The following CPSF4 variants were observed in gnomAD, a reference collection of about 807,000 sequenced individuals.
CPSF4 encodes the protein cleavage and polyadenylation specificity factor subunit 4.
A neutral mutation model predicts 37.7 loss-of-function variants in CPSF4; 11 were observed. The ratio of observed to expected loss-of-function variants is 0.29; its 90% CI spans 0.18 to 0.48. CPSF4 has a LOEUF of 0.48. CPSF4 is among the 20% of genes least tolerant of loss of function. CPSF4 has a pLI of 0.99. For missense variants in CPSF4, 144 were observed against 359.5 expected (o/e 0.40, Z 4.85); for synonymous variants, 132 against 135.9 (o/e 0.97, Z 0.20).
In CPSF4 at chr7:99,454,053, C is replaced by A. The variant is rs1798125322; in HGVS notation, c.658C>A (p.Gln220Lys). The change falls in exon 7 of 8, where the codon CAG (glutamine) becomes AAG (lysine). Residue 220 changes from glutamine (Q) to lysine (K), a missense_variant. Physicochemically the swap from Gln to Lys is moderately conservative, Grantham distance 53. Transcript: ENST00000292476. ...NSSPNQQRTP[Q>K]VIGVMQSQNS... is the part of the protein sequence containing the mutation. ...TTCTCCCAATCAGCAGAGAACCCCG[C>A]AGGTCATCGGGGTCATGCAGAGTCA... 1 of 1,613,942 alleles carries A rather than the reference C, an allele frequency of 6.2e-7. No individual in the cohort carries two copies.
At chr7:99,454,507 A>C (rs1798169191) in intron 7 of CPSF4, among the ~76,000 whole-genome samples, 2 of 152,150 alleles carry the variant, frequency 1.3e-5, no homozygotes, top group South Asian at 2.1e-4. Flanking sequence ...GGCACACCCG[A>C]GAAAACAGGA....
chr7:99,442,750 G>C (rs375966173), intron 1 of CPSF4: 2 of 561,704 alleles, frequency 3.6e-6, no homozygotes, highest in Non-Finnish European at 6.4e-6. Flanking sequence ...TCAAACTGCC[G>C]CGGCAGTTCA....
At position 99,442,411 on chromosome 7, in the gene CPSF4, C is replaced by T. The variant is rs145801519; in HGVS notation, c.104-2378C>T. ...GTGGCTCACACCTGTAATCCCAGCA[C>T]TTTGGGAGGCCGAGGCGGGCGGATC... On this transcript the variant is annotated intron_variant, in intron 1 of 7. Transcript: ENST00000292476. 3.5e-3 allele frequency among the ~76,000 whole-genome samples: 534 copies of T among 152,052 alleles called. 3 individuals carry two copies. Among genetic ancestry groups the T allele is most frequent in the African/African-American group, 0.012 (501 of 41,464 alleles).
chr7:99,448,453 T>A lies in CPSF4; in HGVS notation c.307+180T>A. On this transcript the variant is annotated intron_variant, in intron 3 of 7. Transcript: ENST00000292476. This position sits in a 1 kb window ranked among gnomAD's most constrained non-coding sequence, Gnocchi z 4.4. ...AGGGGACAGTGTGGCTATTTTCTGC[T>A]CATCTCTTTTTTTTTTTTTTTTTTT... The A allele has an allele frequency of 2.0e-6, 1 of 502,412 alleles. No homozygotes were observed. Among genetic ancestry groups the A allele is most frequent in the Non-Finnish European group, 3.4e-6 (1 of 290,640 alleles). 31.1% of individuals were successfully genotyped at this position (502,412 alleles called of 1,614,324 possible).
At chr7:99,454,579 A>G (rs1234591598) in intron 7 of CPSF4, among the ~76,000 whole-genome samples, 1 of 152,162 alleles carries the variant, frequency 6.6e-6, no homozygotes, top group Non-Finnish European at 1.5e-5. Context: ...GGACTCAGGA[A>G]GGGTGAGCTT....
intron 7 of CPSF4, among the ~76,000 whole-genome samples, chr7:99,454,509 A>T (rs1218657847): frequency 6.6e-6 from 1 of 152,156 alleles, no homozygotes; most frequent in African/African-American, 2.4e-5. Flanking sequence ...CACACCCGAG[A>T]AAACAGGACA....
chr7:99,442,673 A>AAAAC (rs1212678049), intron 1 of CPSF4, among the ~76,000 whole-genome samples: 1 of 151,134 alleles, frequency 6.6e-6, no homozygotes, highest in East Asian at 2.0e-4. Flanking sequence ...AAAAAAAAAA[A>AAAAC]AACAAAAAAC....
chr7:99,440,655 C>CGCGCATAT (rs1363427698), intron 1 of CPSF4, among the ~76,000 whole-genome samples: 1 of 90,634 alleles, frequency 1.1e-5, no homozygotes, highest in African/African-American at 8.5e-5. Context: ...CTGCACCTGG[C>CGCGCATAT]ATATATATAT....
chr7:99,440,674 A>ATATATATATATTTTTTT lies in CPSF4; in HGVS notation c.103+1490_103+1491insATATATATATTTTTTTT. The stretch of plus-strand genomic sequence containing the variant: ...ACCTGGCATATATATATATATATAT[A>ATATATATATATTTTTTT]TTTTTTTTTTTTTTTTTTTCCTGCC... On this transcript the variant is annotated intron_variant, in intron 1 of 7. Transcript: ENST00000292476. Among the ~76,000 whole-genome samples, 15 of 88,084 alleles carry ATATATATATATTTTTTT rather than the reference A, an allele frequency of 1.7e-4. 1 individual carries two copies. The highest frequency in any genetic ancestry group is 1.0e-3 in the East Asian group (3 of 2,976). 57.8% of individuals were successfully genotyped at this position (88,084 alleles called of 152,430 possible). A position where few individuals can be genotyped will look rare whatever the true frequency, so the allele number is the denominator to read the frequency against.
At chr7:99,447,967 C>T (rs564705966) in intron 2 of CPSF4, 154 bp from the exon 3 acceptor site, 6 of 668,126 alleles carry the variant, frequency 9.0e-6, no homozygotes, top group African/African-American at 9.0e-5. Flanking sequence ...ATCATGTTGC[C>T]TTCTGTGAGG....
At chr7:99,452,717 A>G in intron 6 of CPSF4, 1 of 403,598 alleles carries the variant, frequency 2.5e-6, no homozygotes, top group Admixed American at 4.0e-5. Context: ...GATGGGGCTA[A>G]CCTGGTTCAG....
At chr7:99,452,510 G>T in intron 6 of CPSF4, 70 bp downstream of exon 6, 1 of 1,423,022 alleles carries the variant, frequency 7.0e-7, no homozygotes, top group South Asian at 1.1e-5. Context: ...GTGTCCCCCA[G>T]GGGTGTGGTC....
chr7:99,455,500 A>C (rs925651556), intron 7 of CPSF4, among the ~76,000 whole-genome samples: 1 of 152,208 alleles, frequency 6.6e-6, no homozygotes, highest in African/African-American at 2.4e-5. Context: ...GGAGTTCGAG[A>C]CCATCCTGGC....
chr7:99,447,589 CT>C (rs1195818955), intron 2 of CPSF4, among the ~76,000 whole-genome samples: 8,705 of 129,014 alleles, frequency 0.067, 424 homozygotes, highest in African/African-American at 0.17. Flanking sequence ...TCATGAGTAA[CT>C]TTTTTTTTTT....
intron 7 of CPSF4, 134 bp downstream of exon 7, chr7:99,454,270 G>A (rs1798144029): frequency 5.9e-6 from 5 of 844,924 alleles, no homozygotes; most frequent in Non-Finnish European, 7.2e-6. Flanking sequence ...TAAAGTTACA[G>A]TCTAGTTACC....
At chr7:99,442,667 A>AC (rs1554363471) in intron 1 of CPSF4, among the ~76,000 whole-genome samples, 11 of 151,218 alleles carry the variant, frequency 7.3e-5, no homozygotes, top group African/African-American at 2.7e-4. Flanking sequence ...AAAAAAAAAA[A>AC]AAAAAAAACA....
chr7:99,439,465 G>GGGA, intron 1 of CPSF4: 1 of 349,600 alleles, frequency 2.9e-6, no homozygotes, highest in South Asian at 7.2e-5. Context: ...TCTGGATCCC[G>GGGA]GGACGCTCCC....
Position 99,442,676 on chromosome 7 carries a change from C to A in CPSF4, c.104-2113C>A, listed in dbSNP as rs60524957. 8.8e-3 allele frequency among the ~76,000 whole-genome samples: 1,007 copies of A among 113,868 alleles called. 6 individuals carry two copies. Among genetic ancestry groups the A allele is most frequent in the South Asian group, 0.042 (146 of 3,490 alleles). The allele number at this position is 113,868 out of a possible 152,430, so 74.7% of individuals were successfully genotyped here. On this transcript the variant is annotated intron_variant, in intron 1 of 7. Coordinates refer to ENST00000292476, the MANE Select transcript of CPSF4 (RefSeq NM_006693.4). ...GTCTCAAAAAAAAAAAAAAAAAAAA[C>A]AAAAAACAAGCAATATAATCAAAAA... is the stretch of plus-strand genomic sequence containing the variant.
chr7:99,450,461 TC>T, intron 4 of CPSF4, 90 bp downstream of exon 4: 1 of 929,412 alleles, frequency 1.1e-6, no homozygotes, highest in Non-Finnish European at 1.7e-6. Context: ...GGTCTACCTG[TC>T]CCAGCAAAAC....
Sources: gnomAD v4.1 joint callset for allele counts (sites outside exome capture counted in the v4.1 genomes callset) on GRCh38, gnomAD v4.1.1 for gene constraint, Gnocchi (gnomAD v3.1) non-coding constraint, MANE v1.5 for transcripts, NCBI Gene and HGNC (gene_info 2026-07-23, HGNC 2026-07-21) for gene names.